ERCC6L: variants seen among roughly 807,000 people sequenced by gnomAD.
The protein encoded by ERCC6L is DNA excision repair protein ERCC-6-like.
Under a neutral mutation model 20.1 loss-of-function variants are expected in ERCC6L, and 7 were observed. That is an observed-to-expected ratio of 0.35 (90% confidence interval 0.20 to 0.65). The LOEUF (loss-of-function observed/expected upper bound fraction) is 0.65, where lower values mean the gene tolerates loss of function less well. Ranked by LOEUF, ERCC6L falls within the 30% of genes least tolerant of loss-of-function variation. The pLI is 0.69. For missense variants in ERCC6L, 592 were observed against 892.4 expected (o/e 0.66, Z 4.29); for synonymous variants, 278 against 331.3 (o/e 0.84, Z 1.75).
At position 72,233,693 on chromosome X, in the gene ERCC6L, G is replaced by T. The variant is rs1461311581; in HGVS notation, c.68+5151C>A. Among the ~76,000 whole-genome samples the T allele has an allele frequency of 4.1e-5, 4 of 96,538 alleles. No individual in the cohort carries two copies. The Admixed American group carries it at 4.7e-4, about 11-fold the overall frequency. The allele number at this position is 96,538 out of a possible 115,157, so 83.8% of individuals were successfully genotyped here. ...GCCGAGATTGCGCCACCACACTCCAGCCCGGATGACACTGCAAGACTCCGT... is the reference window on the plus strand; with the variant it reads ...GCCGAGATTGCGCCACCACACTCCATCCCGGATGACACTGCAAGACTCCGT... On this transcript the variant is annotated intron_variant, in intron 1 of 1. Coordinates refer to ENST00000334463, the MANE Select transcript of ERCC6L (RefSeq NM_017669.4).
At chrX:72,232,284 A>AC (rs2147603779) in intron 1 of ERCC6L, among the ~76,000 whole-genome samples, 1 of 102,333 alleles carries the variant, frequency 9.8e-6, no homozygotes, top group South Asian at 4.5e-4. Flanking sequence ...AAAAAAAAAA[A>AC]AAAAAAAAAA....
At chrX:72,225,001 C>T (rs540744173) in intron 1 of ERCC6L, among the ~76,000 whole-genome samples, 8 of 111,235 alleles carry the variant, frequency 7.2e-5, no homozygotes, top group African/African-American at 2.6e-4. Context: ...CTCCTATTCT[C>T]CCAATCAAAA....
At chrX:72,226,312 A>T (rs921446681) in intron 1 of ERCC6L, among the ~76,000 whole-genome samples, 1 of 112,084 alleles carries the variant, frequency 8.9e-6, no homozygotes, top group Non-Finnish European at 1.9e-5. Flanking sequence ...CAAGCAGGGT[A>T]TGCTATCATT....
intron 1 of ERCC6L, among the ~76,000 whole-genome samples, chrX:72,218,061 G>T (rs1254684561): frequency 9.0e-6 from 1 of 110,672 alleles, no homozygotes; most frequent in Non-Finnish European, 1.9e-5. Flanking sequence ...AGGAGGTCAG[G>T]AGATCGAGAC....
chrX:72,210,167 A>C (rs928493262), intron 1 of ERCC6L, among the ~76,000 whole-genome samples: 1 of 100,141 alleles, frequency 1.0e-5, no homozygotes. Context: ...GGAGTTTAAG[A>C]CTAGCCTGAA....
chrX:72,238,925 G>T lies in ERCC6L; in HGVS notation c.-14C>A. 1 of 1,182,638 alleles carries T rather than the reference G, an allele frequency of 8.5e-7. No individual in the cohort carries two copies. Among genetic ancestry groups the T allele is most frequent in the East Asian group, 3.1e-5 (1 of 32,192 alleles). On this transcript the variant is annotated 5_prime_UTR_variant, in exon 1 of 2. Transcript: ENST00000334463. ...GGATGCCTCCATGACCCTCGGATTG[G>T]GTTCCAGTTACCCCGGCGGGAGTTT...
chrX:72,222,707 C>T (rs1248842738), intron 1 of ERCC6L, among the ~76,000 whole-genome samples: 2 of 108,443 alleles, frequency 1.8e-5, no homozygotes, highest in African/African-American at 6.7e-5. Flanking sequence ...AAGCGATTCT[C>T]CTGCCTCAGC....
chrX:72,205,924 TGTG>T lies in ERCC6L; in HGVS notation c.2840_2842del (p.Pro947del). The T allele has an allele frequency of 8.3e-7, 1 of 1,211,031 alleles. No homozygotes were observed. The highest frequency in any genetic ancestry group is 1.1e-6 in the Non-Finnish European group (1 of 894,807). On this transcript the variant is annotated inframe_deletion, in exon 2 of 2. Transcript: ENST00000334463. ...GAAAAGATTGAAATCACATGCATAC[TGTG>T]GTGAAGATGCTGAAGGTTCCTCTTC... is the stretch of plus-strand genomic sequence containing the variant.
intron 1 of ERCC6L, among the ~76,000 whole-genome samples, chrX:72,227,332 T>A (rs924933956): frequency 9.8e-5 from 11 of 111,786 alleles, no homozygotes; most frequent in African/African-American, 3.3e-4. Flanking sequence ...AAGCTATATA[T>A]CCTCTATCGA....
intron 1 of ERCC6L, among the ~76,000 whole-genome samples, chrX:72,213,029 A>C (rs1234948993): frequency 8.9e-6 from 1 of 112,389 alleles, no homozygotes; most frequent in East Asian, 2.8e-4. Context: ...CATGCAAAAC[A>C]ATCAGAAATG....
intron 1 of ERCC6L, among the ~76,000 whole-genome samples, chrX:72,231,795 A>T (rs2042984971): frequency 8.9e-6 from 1 of 112,038 alleles, no homozygotes. Flanking sequence ...TTTTTTCACC[A>T]CAAAGAAATG....
Position 72,205,732 on chromosome X carries a change from T to A in ERCC6L, c.3035A>T (p.Glu1012Val), listed in dbSNP as rs748741011. The A allele has an allele frequency of 8.3e-7, 1 of 1,211,669 alleles. No individual in the cohort carries two copies. Among genetic ancestry groups the A allele is most frequent in the Non-Finnish European group, 1.1e-6 (1 of 895,239 alleles). ...TCTGATTTTTGCTTTAACTACTACT[T>A]CTTCTGGTTCATCGTCTTTCTCAGA... ...EFSEKDDEPE[E>V]VVVKAKIRSK... Residue 1012 changes from glutamate to valine, a missense_variant, in exon 2 of 2, where the codon GAA (glutamate) becomes GTA (valine). Around this residue, in one of 3 missense-constraint regions of ERCC6L, gnomAD observed 352 missense variants for 402.6 expected, o/e 0.87. Coordinates refer to ENST00000334463, the MANE Select transcript of ERCC6L (RefSeq NM_017669.4).
chrX:72,231,117 C>T (rs1433604158), intron 1 of ERCC6L, among the ~76,000 whole-genome samples: 3 of 112,283 alleles, frequency 2.7e-5, no homozygotes, highest in Non-Finnish European at 1.9e-5. Flanking sequence ...GAGATACCTG[C>T]ACTCCCGTGT....
chrX:72,229,164 C>T (rs778613481), intron 1 of ERCC6L, among the ~76,000 whole-genome samples: 56 of 111,815 alleles, frequency 5.0e-4, no homozygotes, highest in African/African-American at 1.7e-3. Flanking sequence ...ACAAGCTTCA[C>T]TTTGCTTTTC....
intron 1 of ERCC6L, among the ~76,000 whole-genome samples, chrX:72,231,854 T>C (rs7882843): frequency 0.45 from 50,286 of 110,984 alleles, 10,398 homozygotes; most frequent in East Asian, 0.98. Context: ...TTTGATCATT[T>C]CACAATGTAT....
chrX:72,211,942 G>A (rs1168215252), intron 1 of ERCC6L, among the ~76,000 whole-genome samples: 2 of 111,384 alleles, frequency 1.8e-5, no homozygotes, highest in East Asian at 5.6e-4. Flanking sequence ...CCCACCTAAA[G>A]GTCTCTCTAT....
chrX:72,220,935 C>T lies in ERCC6L; in HGVS notation c.69-12237G>A, dbSNP rs111390506. 5.8e-3 allele frequency among the ~76,000 whole-genome samples: 644 copies of T among 111,805 alleles called. 3 individuals are homozygous for T. The highest frequency in any genetic ancestry group is 9.2e-3 in the Non-Finnish European group (491 of 53,140). ...CTGGGGGCAGAGGCTCTCTTGCAAC[C>T]CAGGAAGCAGTGGGCAACGGCAGCT... On this transcript the variant is annotated intron_variant, in intron 1 of 1. Coordinates refer to ENST00000334463, the MANE Select transcript of ERCC6L (RefSeq NM_017669.4).
intron 1 of ERCC6L, among the ~76,000 whole-genome samples, chrX:72,235,955 C>T (rs1234796069): frequency 8.9e-6 from 1 of 112,036 alleles, no homozygotes; most frequent in Non-Finnish European, 1.9e-5. Context: ...ACAAGGAAGC[C>T]TCCACAATTA....
At chrX:72,232,499 C>G (rs891484096) in intron 1 of ERCC6L, among the ~76,000 whole-genome samples, 1 of 106,054 alleles carries the variant, frequency 9.4e-6, no homozygotes, top group Non-Finnish European at 1.9e-5. Flanking sequence ...ACACAAAGAA[C>G]GGTGAAACTA....
Sources: allele counts gnomAD v4.1 joint callset (sites outside exome capture counted in the v4.1 genomes callset), GRCh38; gene constraint gnomAD v4.1.1; regional missense constraint gnomAD v4.1.1; transcripts MANE v1.5; gene names NCBI Gene and HGNC (gene_info 2026-07-23, HGNC 2026-07-21).